The following MPHOSPH8 variants were observed in gnomAD, a reference collection of about 807,000 sequenced individuals.
MPHOSPH8 encodes M-phase phosphoprotein 8.
Under a neutral mutation model 87.3 loss-of-function variants are expected in MPHOSPH8, and 45 were observed. The observed-to-expected ratio is 0.52, with a 90% CI of 0.41 to 0.66. The LOEUF is 0.66. Among genes scored for constraint, MPHOSPH8 ranks in the 30% least tolerant of loss-of-function variants. The pLI is 0.00. For missense variants in MPHOSPH8, 883 were observed against 1,020.2 expected, an observed-to-expected ratio of 0.87 and a Z score of 1.83; for synonymous variants, 366 against 376.9, an observed-to-expected ratio of 0.97 and a Z score of 0.33.
At chr13:19,643,558 C>T (rs1874407628) in intron 2 of MPHOSPH8, among the ~76,000 whole-genome samples, 1 of 152,086 alleles carries the variant, frequency 6.6e-6, no homozygotes, top group South Asian at 2.1e-4. Context: ...CCTGATTTTT[C>T]TTTTAAAGAT....
intron 10 of MPHOSPH8, among the ~76,000 whole-genome samples, chr13:19,667,644 A>G (rs1229671147): frequency 6.6e-6 from 1 of 152,150 alleles, no homozygotes; most frequent in South Asian, 2.1e-4. Context: ...TCATTTAGCA[A>G]TAGGCATTCA....
At chr13:19,641,595 C>T (rs1237526133) in intron 1 of MPHOSPH8, among the ~76,000 whole-genome samples, 3 of 148,498 alleles carry the variant, frequency 2.0e-5, no homozygotes, top group South Asian at 2.1e-4. Context: ...TGGGTTCAAG[C>T]GATTCTCCTG....
intron 13 of MPHOSPH8, among the ~76,000 whole-genome samples, chr13:19,671,597 C>T (rs1876130828): frequency 6.6e-6 from 1 of 152,132 alleles, no homozygotes; most frequent in South Asian, 2.1e-4. Context: ...CCTAACCTCT[C>T]TTGTATGAAA....
chr13:19,648,907 A>C (rs1874707517), intron 4 of MPHOSPH8, among the ~76,000 whole-genome samples: 1 of 152,210 alleles, frequency 6.6e-6, no homozygotes, highest in Non-Finnish European at 1.5e-5. Flanking sequence ...AAACAAAAAA[A>C]CACCATTACA....
chr13:19,652,412 T>A (rs530821646), intron 5 of MPHOSPH8, among the ~76,000 whole-genome samples: 7 of 152,282 alleles, frequency 4.6e-5, no homozygotes, highest in African/African-American at 1.7e-4. Flanking sequence ...ATACTGTGCT[T>A]TTCCCATGGT....
At chr13:19,656,373 A>C (rs1000509589) in intron 5 of MPHOSPH8, among the ~76,000 whole-genome samples, 2 of 152,128 alleles carry the variant, frequency 1.3e-5, no homozygotes, top group African/African-American at 2.4e-5. Context: ...AAATGTAGCA[A>C]GGTGACTGGA....
Position 19,633,688 on chromosome 13 carries a change from G to C in MPHOSPH8, c.-61G>C, listed in dbSNP as rs1235506064. The C allele has an allele frequency of 3.3e-6, 5 of 1,533,978 alleles. No individual in the cohort carries two copies. The highest frequency in any genetic ancestry group is 4.9e-5 in the East Asian group (2 of 40,972). On this transcript the variant is annotated 5_prime_UTR_variant, in exon 1 of 14. Transcript: ENST00000361479. The stretch of plus-strand genomic sequence containing the variant: ...TGGAGTAGGGCCGAGCGCGGAACGC[G>C]AGGGGCTGCTGGGGTGTTTGTCGCA...
intron 2 of MPHOSPH8, 151 bp from the exon 3 acceptor site, chr13:19,646,292 G>C: frequency 1.6e-6 from 1 of 613,336 alleles, no homozygotes; most frequent in Non-Finnish European, 2.5e-6. Context: ...GATAGAGGTA[G>C]CATACGATTT....
intron 5 of MPHOSPH8, among the ~76,000 whole-genome samples, chr13:19,652,321 C>T (rs1170645832): frequency 6.6e-6 from 1 of 152,128 alleles, no homozygotes; most frequent in Non-Finnish European, 1.5e-5. Flanking sequence ...CTGGGAAATG[C>T]AGGGGGTCGG....
intron 1 of MPHOSPH8, 84 bp from the exon 2 acceptor site, chr13:19,642,031 T>G: frequency 8.9e-7 from 1 of 1,120,066 alleles, no homozygotes; most frequent in African/African-American, 1.7e-5. Flanking sequence ...CTTTCATGTC[T>G]TCTCATCAGT....
intron 2 of MPHOSPH8, 104 bp downstream of exon 2, chr13:19,642,374 C>A (rs371145255): frequency 1.0e-6 from 1 of 992,640 alleles, no homozygotes; most frequent in Non-Finnish European, 1.4e-6. Context: ...CAAAGTGTAC[C>A]GTATTCTTTA....
intron 5 of MPHOSPH8, among the ~76,000 whole-genome samples, chr13:19,656,495 C>A (rs186057000): frequency 8.7e-4 from 132 of 152,278 alleles, no homozygotes; most frequent in African/African-American, 3.0e-3. Context: ...CGCGGTGGCT[C>A]ACACCTATAA....
intron 12 of MPHOSPH8, chr13:19,670,986 A>AT (rs1350087364): frequency 1.7e-6 from 2 of 1,158,440 alleles, no homozygotes; most frequent in Non-Finnish European, 2.3e-6. Context: ...CATCCGGCTA[A>AT]TTTTTTGTAT....
chr13:19,633,698 T>C lies in MPHOSPH8; in HGVS notation c.-51T>C. 1 of 1,542,444 alleles carries C rather than the reference T, an allele frequency of 6.5e-7. No homozygotes were observed. Among genetic ancestry groups the C allele is most frequent in the Non-Finnish European group, 8.8e-7 (1 of 1,138,832 alleles). ...CCGAGCGCGGAACGCGAGGGGCTGC[T>C]GGGGTGTTTGTCGCAGCGGGTTTTC... On this transcript the variant is annotated 5_prime_UTR_variant, in exon 1 of 14. Coordinates refer to ENST00000361479, the MANE Select transcript of MPHOSPH8 (RefSeq NM_017520.4).
In MPHOSPH8 at chr13:19,669,640, C is replaced by G. The variant is rs951249281; in HGVS notation, c.2330-596C>G. 3.9e-5 allele frequency among the ~76,000 whole-genome samples: 6 copies of G among 151,930 alleles called. No homozygotes were observed. The East Asian group carries it at 7.7e-4, about 20-fold the overall frequency. ...TCTCCTGCCTCAACCTCCCGAGTAG[C>G]TGGAATTACAGGTGCCCACCATGAT... On this transcript the variant is annotated intron_variant, in intron 11 of 13. Coordinates refer to ENST00000361479, the MANE Select transcript of MPHOSPH8 (RefSeq NM_017520.4).
chr13:19,670,819 ACT>A, intron 12 of MPHOSPH8: 13 of 1,128,726 alleles, frequency 1.2e-5, no homozygotes, highest in East Asian at 6.9e-5. Context: ...AAAATAAATC[ACT>A]TTTTTTTTTT....
chr13:19,668,165 CTT>C (rs1162045134), intron 10 of MPHOSPH8, among the ~76,000 whole-genome samples: 2 of 152,192 alleles, frequency 1.3e-5, no homozygotes, highest in Non-Finnish European at 1.5e-5. Flanking sequence ...AGGGAAGAGA[CTT>C]GCCTTCTTAG....
chr13:19,634,473 C>T (rs1408482356), intron 1 of MPHOSPH8, among the ~76,000 whole-genome samples: 1 of 152,148 alleles, frequency 6.6e-6, no homozygotes, highest in Non-Finnish European at 1.5e-5. Flanking sequence ...CCTCTCTCCC[C>T]TATGCGTTGT....
chr13:19,634,750 C>T (rs761035833), intron 1 of MPHOSPH8, among the ~76,000 whole-genome samples: 1 of 152,186 alleles, frequency 6.6e-6, no homozygotes, highest in African/African-American at 2.4e-5. Flanking sequence ...GTTTGTCTCT[C>T]CTGCTATATG....
Sources: gnomAD v4.1 joint callset for allele counts (sites outside exome capture counted in the v4.1 genomes callset) on GRCh38, gnomAD v4.1.1 for gene constraint, MANE v1.5 for transcripts, NCBI Gene and HGNC (gene_info 2026-07-23, HGNC 2026-07-21) for gene names.